TTLL11: variants seen among roughly 807,000 people sequenced by gnomAD.
The protein encoded by TTLL11 is tubulin polyglutamylase TTLL11.
In TTLL11, 42 loss-of-function variants were observed where a neutral mutation model predicts 51.7. That is an observed-to-expected ratio of 0.81 (90% CI 0.64 to 1.05). The LOEUF is 1.05. Ranked by LOEUF, TTLL11 falls within the 50% of genes least tolerant of loss-of-function variation. The pLI, the probability that TTLL11 is intolerant of heterozygous loss-of-function variation, is 0.00. For synonymous variants in TTLL11, 381 were observed against 383.5 expected, an observed-to-expected ratio of 0.99 and a Z score of 0.08; for missense variants, 799 against 940.4, an observed-to-expected ratio of 0.85 and a Z score of 1.97.
intron 4 of TTLL11, among the ~76,000 whole-genome samples, chr9:121,988,065 T>C (rs73562037): frequency 0.074 from 11,292 of 151,814 alleles, 862 homozygotes; most frequent in African/African-American, 0.19. Context: ...AGCCTCAGGT[T>C]CTCCCTGCCC....
At chr9:121,831,682 A>G (rs1476960814) in intron 8 of TTLL11, among the ~76,000 whole-genome samples, 14 of 145,722 alleles carry the variant, frequency 9.6e-5, no homozygotes, top group Non-Finnish European at 1.9e-4. Flanking sequence ...CCTGGGCAAG[A>G]GAGAGAGACT....
chr9:121,927,726 G>C (rs1451607318), intron 6 of TTLL11, among the ~76,000 whole-genome samples: 1 of 151,874 alleles, frequency 6.6e-6, no homozygotes, highest in Non-Finnish European at 1.5e-5. Context: ...AGGAGTTAGC[G>C]AGGCAAAGAA....
chr9:121,842,443 T>C (rs1482760368), intron 8 of TTLL11, among the ~76,000 whole-genome samples: 2 of 151,674 alleles, frequency 1.3e-5, no homozygotes, highest in African/African-American at 2.4e-5. Context: ...TAACTTTGTG[T>C]ATGTGTGTGT....
intron 8 of TTLL11, among the ~76,000 whole-genome samples, chr9:121,829,473 C>T (rs1836928779): frequency 1.3e-5 from 2 of 151,862 alleles, no homozygotes; most frequent in Non-Finnish European, 2.9e-5. Flanking sequence ...TTTTGAAAAG[C>T]AATTTGGCGA....
At chr9:121,978,356 G>A (rs1842760378) in intron 4 of TTLL11, among the ~76,000 whole-genome samples, 1 of 152,170 alleles carries the variant, frequency 6.6e-6, no homozygotes, top group South Asian at 2.1e-4. Flanking sequence ...TCAAACCGGG[G>A]TTCTTTTCTG....
At chr9:122,054,022 C>A (rs1041477598) in intron 1 of TTLL11, among the ~76,000 whole-genome samples, 3 of 152,232 alleles carry the variant, frequency 2.0e-5, no homozygotes. Context: ...AGTAGCAATT[C>A]TTGTGATCTA....
intron 6 of TTLL11, among the ~76,000 whole-genome samples, chr9:121,895,667 GTGTT>G (rs1340598368): frequency 7.3e-6 from 1 of 137,598 alleles, no homozygotes; most frequent in African/African-American, 2.7e-5. Context: ...GTGGTTGTGT[GTGTT>G]TATGTGTGTC....
chr9:121,826,479 ATGTATATATATATATG>A (rs1441628338), intron 8 of TTLL11, among the ~76,000 whole-genome samples: 4 of 52,618 alleles, frequency 7.6e-5, no homozygotes, highest in African/African-American at 2.6e-4. Context: ...ATATATATAT[ATGTATATATATATATG>A]TGTGTGTATA....
At chr9:121,892,013 A>G (rs988755930) in intron 6 of TTLL11, among the ~76,000 whole-genome samples, 1 of 145,328 alleles carries the variant, frequency 6.9e-6, no homozygotes, top group African/African-American at 2.5e-5. Context: ...TATAATATAA[A>G]ACCTATATAT....
rs1846301110 is a variant in TTLL11 at position 122,092,846 on chromosome 9, C to T, written c.303G>A (p.Pro101=). 2 of 1,565,702 alleles carry T rather than the reference C, an allele frequency of 1.3e-6. No individual in the cohort carries two copies. The highest frequency in any genetic ancestry group is 8.6e-7 in the Non-Finnish European group (1 of 1,163,234). ...GGCCCTTGTCCCGGGGCTTCCCGTG[C>T]GGGCAGAGGCCCTGCACCGGCTTCG... ...SKPKPVQGLC[P]HGKPRDKGRS... Residue 101 remains proline, a synonymous_variant, in exon 1 of 9, where the codon CCG becomes CCA. Coordinates refer to ENST00000321582, the MANE Select transcript of TTLL11 (RefSeq NM_001139442.2).
chr9:121,924,762 CTTT>C (rs762402616), intron 6 of TTLL11, among the ~76,000 whole-genome samples: 4,169 of 139,338 alleles, frequency 0.03, 184 homozygotes, highest in African/African-American at 0.1. Flanking sequence ...ATAACAAGCA[CTTT>C]TTTTTTTTTT....
chr9:121,826,153 A>AATATAT (rs10562547), intron 8 of TTLL11, among the ~76,000 whole-genome samples: 1,245 of 70,906 alleles, frequency 0.018, 78 homozygotes, highest in African/African-American at 0.066. Context: ...ATCAAAGTAG[A>AATATAT]ATATATATAT....
intron 6 of TTLL11, among the ~76,000 whole-genome samples, chr9:121,877,386 G>A (rs1018748431): frequency 6.6e-6 from 1 of 152,166 alleles, no homozygotes; most frequent in Non-Finnish European, 1.5e-5. Flanking sequence ...GTGATGCTAG[G>A]CAACTTGAAG....
intron 1 of TTLL11, among the ~76,000 whole-genome samples, chr9:122,068,328 G>A (rs759373857): frequency 2.6e-5 from 4 of 152,128 alleles, no homozygotes; most frequent in Non-Finnish European, 5.9e-5. Context: ...ACTGCTCCAG[G>A]TGGTTTGCCT....
chr9:122,090,058 A>C (rs58339336), intron 1 of TTLL11, among the ~76,000 whole-genome samples: 1 of 152,368 alleles, frequency 6.6e-6, no homozygotes, highest in East Asian at 1.9e-4. Context: ...AAGCAGTTAC[A>C]GGTAGTGCCT....
At chr9:121,858,603 T>C (rs1364859468) in intron 8 of TTLL11, among the ~76,000 whole-genome samples, 1 of 152,154 alleles carries the variant, frequency 6.6e-6, no homozygotes, top group Non-Finnish European at 1.5e-5. Flanking sequence ...AGTTGGGAAG[T>C]TTCTGGCCCA....
At chr9:122,010,865 A>G (rs1843773929) in intron 3 of TTLL11, among the ~76,000 whole-genome samples, 1 of 152,224 alleles carries the variant, frequency 6.6e-6, no homozygotes, top group African/African-American at 2.4e-5. Flanking sequence ...CATGATTCAA[A>G]GCAAGATCTG....
chr9:122,084,946 T>G, intron 1 of TTLL11, among the ~76,000 whole-genome samples: 1 of 152,146 alleles, frequency 6.6e-6, no homozygotes, highest in Non-Finnish European at 1.5e-5. Flanking sequence ...CCCGTGGCGA[T>G]GTACATAATT....
At chr9:122,092,323 A>G (rs1018442854) in intron 1 of TTLL11, among the ~76,000 whole-genome samples, 3 of 152,166 alleles carry the variant, frequency 2.0e-5, no homozygotes, top group African/African-American at 7.2e-5. Flanking sequence ...TATAACTTCA[A>G]TGAAGAAGTG....
Sources: gnomAD v4.1 joint callset for allele counts (sites outside exome capture counted in the v4.1 genomes callset) on GRCh38, gnomAD v4.1.1 for gene constraint, MANE v1.5 for transcripts, NCBI Gene and HGNC (gene_info 2026-07-23, HGNC 2026-07-21) for gene names.